ATP2C1: variants seen among roughly 807,000 people sequenced by gnomAD.
ATP2C1 encodes the protein ATPase secretory pathway Ca2+ transporting 1, also known as calcium-transporting ATPase type 2C member 1.
ATP2C1 carries 31 observed loss-of-function variants against 120.5 expected under a neutral mutation model. The observed-to-expected ratio is 0.26, with a 90% confidence interval of 0.19 to 0.35. The LOEUF (loss-of-function observed/expected upper bound fraction) is 0.35. Among genes scored for constraint, ATP2C1 ranks in the 10% least tolerant of loss-of-function variants. The pLI is 1.00. For missense variants in ATP2C1, 731 were observed against 1,107.5 expected, an observed-to-expected ratio of 0.66 and a Z score of 4.83; for synonymous variants, 351 against 358.7, an observed-to-expected ratio of 0.98 and a Z score of 0.24.
chr3:130,964,154 A>G, intron 13 of ATP2C1, 59 bp downstream of exon 13: 1 of 1,597,272 alleles, frequency 6.3e-7, no homozygotes, highest in Non-Finnish European at 8.6e-7. Flanking sequence ...TCAATAGTGA[A>G]TCATCTCAGA....
chr3:130,894,218 G>A lies in ATP2C1; in HGVS notation c.-300G>A, dbSNP rs543616852. 4.0e-3 allele frequency: 3,890 copies of A among 984,644 alleles called. 5 individuals carry two copies. Among genetic ancestry groups the A allele is most frequent in the Non-Finnish European group, 4.3e-3 (3,578 of 829,608 alleles). 61.0% of individuals were successfully genotyped at this position (984,644 alleles called of 1,614,324 possible). On this transcript the variant is annotated 5_prime_UTR_variant, in exon 1 of 28. Transcript: ENST00000510168. The surrounding 1 kb of genome is among the most constrained non-coding windows in gnomAD (Gnocchi z 4.5). The stretch of plus-strand genomic sequence containing the variant: ...TCGCTTCTTCTCACGCCGGGAGCAG[G>A]CTCCCGCCTCGCACCGCTGCCCCGC...
intron 20 of ATP2C1, among the ~76,000 whole-genome samples, chr3:130,989,693 G>T (rs905505590): frequency 6.6e-6 from 1 of 151,852 alleles, no homozygotes; most frequent in Admixed American, 6.6e-5. Flanking sequence ...CTGTTGCTTC[G>T]TTCTTTTGTT....
At chr3:130,877,263 G>A (rs1217180463) in intron 1 of ATP2C1, among the ~76,000 whole-genome samples, 1 of 152,096 alleles carries the variant, frequency 6.6e-6, no homozygotes, top group African/African-American at 2.4e-5. Context: ...GTTGGGTTTT[G>A]TTTTTGCTTA....
chr3:131,008,236 G>A (rs1381164504), intron 26 of ATP2C1, among the ~76,000 whole-genome samples: 1 of 152,050 alleles, frequency 6.6e-6, no homozygotes, highest in East Asian at 1.9e-4. Context: ...CCAGGAGTTC[G>A]AGACCAGTCT....
intron 9 of ATP2C1, 39 bp from the exon 10 acceptor site, chr3:130,954,973 C>A: frequency 6.9e-7 from 1 of 1,453,116 alleles, no homozygotes; most frequent in Non-Finnish European, 9.7e-7. Context: ...GTTTACATTT[C>A]ATCTGGATGT....
intron 2 of ATP2C1, among the ~76,000 whole-genome samples, chr3:130,926,856 G>C (rs1206941118): frequency 6.6e-6 from 1 of 152,178 alleles, no homozygotes; most frequent in Non-Finnish European, 1.5e-5. Flanking sequence ...CCTGGTTTTG[G>C]TTGCCCAGTA....
chr3:130,963,884 TA>T (rs1475637523), intron 12 of ATP2C1, 86 bp from the exon 13 acceptor site: 1 of 1,564,540 alleles, frequency 6.4e-7, no homozygotes, highest in Non-Finnish European at 8.8e-7. Context: ...TTTTGCGTTT[TA>T]TTAAGCTTTA....
intron 2 of ATP2C1, among the ~76,000 whole-genome samples, chr3:130,899,969 G>A (rs893867625): frequency 4.5e-4 from 68 of 152,072 alleles, no homozygotes; most frequent in African/African-American, 1.6e-3. Flanking sequence ...TGGTCATTTC[G>A]TAAACATGCT....
At chr3:130,948,396 T>C (rs1291566630) in intron 8 of ATP2C1, among the ~76,000 whole-genome samples, 2 of 152,126 alleles carry the variant, frequency 1.3e-5, no homozygotes, top group Non-Finnish European at 2.9e-5. Flanking sequence ...GCCTCTGTGG[T>C]TTCTGATTAG....
intron 8 of ATP2C1, among the ~76,000 whole-genome samples, chr3:130,944,324 A>G (rs960590249): frequency 2.6e-5 from 4 of 152,170 alleles, no homozygotes; most frequent in Admixed American, 2.0e-4. Context: ...TTTTATCTTC[A>G]TAGGTTGTGT....
chr3:131,015,635 G>A (rs1183639971), intron 26 of ATP2C1, among the ~76,000 whole-genome samples: 5 of 152,052 alleles, frequency 3.3e-5, no homozygotes, highest in Non-Finnish European at 7.3e-5. Context: ...CTGAGATTCT[G>A]TTTTTGTCCC....
chr3:130,965,426 C>T (rs931692567), intron 14 of ATP2C1, among the ~76,000 whole-genome samples: 2 of 152,044 alleles, frequency 1.3e-5, no homozygotes, highest in Admixed American at 6.6e-5. Flanking sequence ...TTGATGCCCT[C>T]ACTCCATAAG....
chr3:131,007,071 T>C (rs533575358), downstream of ATP2C1, among the ~76,000 whole-genome samples: 1 of 151,806 alleles, frequency 6.6e-6, no homozygotes, highest in African/African-American at 2.4e-5. Context: ...AAAACACTTG[T>C]TGATAAATCT....
At chr3:130,936,492 C>T (rs1028335145) in intron 5 of ATP2C1, among the ~76,000 whole-genome samples, 8 of 152,036 alleles carry the variant, frequency 5.3e-5, no homozygotes, top group Non-Finnish European at 1.2e-4. Flanking sequence ...GAAGAATATC[C>T]ACAATCATCT....
At chr3:131,008,266 A>G (rs2063191079) in intron 26 of ATP2C1, among the ~76,000 whole-genome samples, 1 of 152,038 alleles carries the variant, frequency 6.6e-6, no homozygotes, top group African/African-American at 2.4e-5. Context: ...GGCGAAACTA[A>G]AAATACAAAA....
intron 2 of ATP2C1, among the ~76,000 whole-genome samples, chr3:130,929,632 C>A (rs1000352301): frequency 6.6e-6 from 1 of 152,146 alleles, no homozygotes; most frequent in African/African-American, 2.4e-5. Flanking sequence ...TTTTGTCTCC[C>A]TTCTGTTTTC....
intron 6 of ATP2C1, 118 bp downstream of exon 6, chr3:130,937,581 CT>C: frequency 3.6e-6 from 3 of 843,998 alleles, no homozygotes; most frequent in Non-Finnish European, 6.0e-6. Flanking sequence ...ACAACTTATT[CT>C]TTGTTTTTCA....
intron 2 of ATP2C1, among the ~76,000 whole-genome samples, chr3:130,919,780 T>C (rs1247420457): frequency 6.6e-6 from 1 of 152,242 alleles, no homozygotes; most frequent in African/African-American, 2.4e-5. Flanking sequence ...CTTTTTTCCA[T>C]AGTGGCTGCA....
Position 130,915,900 on chromosome 3 carries a change from A to G in ATP2C1, c.7-14516A>G, listed in dbSNP as rs115466352. Among the ~76,000 whole-genome samples the G allele has an allele frequency of 3.7e-3, 561 of 152,368 alleles. 4 individuals carry two copies. Among genetic ancestry groups the G allele is most frequent in the African/African-American group, 0.013 (529 of 41,592 alleles). On this transcript the variant is annotated intron_variant, in intron 2 of 27. Transcript: ENST00000510168. ...TATTTAGCCTGAGGCGTTCTGAGTCAGTCCAAATCCACTGTCACTAAATAA... is the reference window on the plus strand; with the variant it reads ...TATTTAGCCTGAGGCGTTCTGAGTCGGTCCAAATCCACTGTCACTAAATAA...
Sources: allele counts gnomAD v4.1 joint callset (sites outside exome capture counted in the v4.1 genomes callset), GRCh38; gene constraint gnomAD v4.1.1; non-coding constraint Gnocchi (gnomAD v3.1); transcripts MANE v1.5; gene names NCBI Gene and HGNC (gene_info 2026-07-23, HGNC 2026-07-21).